The following TRAM2 variants were observed in gnomAD, a reference collection of about 807,000 sequenced individuals.
The protein encoded by TRAM2 is translocation associated membrane protein 2.
A neutral mutation model predicts 51.0 loss-of-function variants in TRAM2; 12 were observed. The observed-to-expected ratio is 0.24, with a 90% confidence interval of 0.15 to 0.38. TRAM2 has a LOEUF of 0.38. TRAM2 is among the 10% of genes least tolerant of loss of function. TRAM2 has a pLI of 1.00. For synonymous variants in TRAM2, 175 were observed against 179.4 expected, an observed-to-expected ratio of 0.98 and a Z score of 0.20; for missense variants, 361 against 462.0, an observed-to-expected ratio of 0.78 and a Z score of 2.00.
intron 1 of TRAM2, among the ~76,000 whole-genome samples, chr6:52,537,853 T>G (rs1282982555): frequency 6.6e-6 from 1 of 152,192 alleles, no homozygotes; most frequent in African/African-American, 2.4e-5. Flanking sequence ...TCAGCTGTAC[T>G]TATTCCCCCT....
intron 1 of TRAM2, among the ~76,000 whole-genome samples, chr6:52,543,473 GT>G (rs1767141641): frequency 6.6e-6 from 1 of 152,134 alleles, no homozygotes; most frequent in South Asian, 2.1e-4. Context: ...AGAACAAAAT[GT>G]TTTTACTTTT....
intron 2 of TRAM2, among the ~76,000 whole-genome samples, chr6:52,517,709 C>CTGTG (rs1766577305): frequency 6.6e-6 from 1 of 152,240 alleles, no homozygotes; most frequent in Non-Finnish European, 1.5e-5. Context: ...TGCTCTCCAG[C>CTGTG]TGTGCTGCAT....
rs1016204904 is a variant in TRAM2, at chr6:52,570,801, C to CG, written c.120+5994_120+5995insC. 3.0e-4 allele frequency among the ~76,000 whole-genome samples: 36 copies of CG among 119,634 alleles called. 1 individual carries two copies. The East Asian group carries it at 6.5e-3, about 21-fold the overall frequency. 78.5% of individuals were successfully genotyped at this position (119,634 alleles called of 152,430 possible). A position where few individuals can be genotyped will look rare whatever the true frequency, so the allele number is the denominator to read the frequency against. On this transcript the variant is annotated intron_variant, in intron 1 of 10. Transcript: ENST00000182527. ...CCAATCCTCCCTGCCCACCACCCCC[C>CG]CCCCCACACGCACACACACTCTGCC...
chr6:52,523,747 G>A (rs1009142672), intron 2 of TRAM2: 7 of 152,214 alleles, frequency 4.6e-5, no homozygotes, highest in African/African-American at 1.2e-4. Flanking sequence ...TCAAAATGAC[G>A]TGTGTACAAG....
chr6:52,526,240 G>A (rs1265970909), intron 2 of TRAM2, among the ~76,000 whole-genome samples: 1 of 151,390 alleles, frequency 6.6e-6, no homozygotes, highest in Non-Finnish European at 1.5e-5. Flanking sequence ...CAGATCTTCA[G>A]AGTTACCATT....
intron 1 of TRAM2, among the ~76,000 whole-genome samples, chr6:52,575,600 G>A (rs553086680): frequency 5.9e-5 from 9 of 152,288 alleles, no homozygotes; most frequent in African/African-American, 1.7e-4. Flanking sequence ...GCCAATTAGG[G>A]CCCTTGTCAT....
At chr6:52,562,212 C>A (rs1177174765) in intron 1 of TRAM2, among the ~76,000 whole-genome samples, 1 of 152,178 alleles carries the variant, frequency 6.6e-6, no homozygotes, top group Non-Finnish European at 1.5e-5. Context: ...GTAAGCAATG[C>A]CTCCTGCCCT....
intron 1 of TRAM2, among the ~76,000 whole-genome samples, chr6:52,567,935 G>A (rs1457064660): frequency 6.6e-6 from 1 of 152,162 alleles, no homozygotes; most frequent in Non-Finnish European, 1.5e-5. Flanking sequence ...ATAGGATTGG[G>A]GAAAGGTGCC....
chr6:52,516,116 T>C lies in TRAM2; in HGVS notation c.301A>G (p.Ser101Gly). The change falls in exon 4 of 11, where the codon AGC becomes GGC. Residue 101 changes from serine (S) to glycine (G), a missense_variant. By Grantham distance (56) the Ser-to-Gly change is moderately conservative. Coordinates refer to ENST00000182527, the MANE Select transcript of TRAM2 (RefSeq NM_012288.4). Reference sequence around the variant, plus strand: ...ACTTTGGAGAGATGAAGCCGTTTGCTGATTTTCTAAAGAATAAAGAAAACC... The same window carrying C: ...ACTTTGGAGAGATGAAGCCGTTTGCCGATTTTCTAAAGAATAAAGAAAACC... ...VVQEYILDKI[S>G]KRLHLSKVKH... The C allele has an allele frequency of 6.2e-7, 1 of 1,614,044 alleles. No homozygotes were observed. The highest frequency in any genetic ancestry group is 8.5e-7 in the Non-Finnish European group (1 of 1,179,938).
chr6:52,562,337 T>C (rs530095666), intron 1 of TRAM2, among the ~76,000 whole-genome samples: 5 of 152,044 alleles, frequency 3.3e-5, no homozygotes, highest in Non-Finnish European at 7.4e-5. Flanking sequence ...CCAGAAAAAG[T>C]GGGCTGCAGT....
chr6:52,527,391 G>A (rs1288906628), intron 2 of TRAM2, among the ~76,000 whole-genome samples: 1 of 142,114 alleles, frequency 7.0e-6, no homozygotes, highest in Non-Finnish European at 1.5e-5. Context: ...AAAAAAAAAA[G>A]AAAAGAAAAG....
chr6:52,519,698 T>C (rs891331289), intron 2 of TRAM2, among the ~76,000 whole-genome samples: 2 of 151,994 alleles, frequency 1.3e-5, no homozygotes, highest in African/African-American at 2.4e-5. Flanking sequence ...TCCATGTCCA[T>C]AGCAGCACTA....
intron 1 of TRAM2, among the ~76,000 whole-genome samples, chr6:52,563,482 G>A (rs1242806334): frequency 6.6e-6 from 1 of 151,848 alleles, no homozygotes; most frequent in Non-Finnish European, 1.5e-5. Flanking sequence ...GACTTTGGGA[G>A]ACTGAGGTGG....
intron 2 of TRAM2, among the ~76,000 whole-genome samples, chr6:52,534,513 G>A (rs1227453594): frequency 6.6e-6 from 1 of 152,220 alleles, no homozygotes; most frequent in Non-Finnish European, 1.5e-5. Context: ...ATACTCTGGT[G>A]CTGGTGGCGG....
rs1766255552 is a variant in TRAM2 at position 52,502,663 on chromosome 6, G to T, written c.*534C>A. 1 of 156,136 alleles carries T rather than the reference G, an allele frequency of 6.4e-6. No homozygotes were observed. The highest frequency in any genetic ancestry group is 1.9e-4 in the South Asian group (1 of 5,140). The allele number at this position is 156,136 out of a possible 1,614,324, so 9.7% of individuals were successfully genotyped here. A position where few individuals can be genotyped will look rare whatever the true frequency, so the allele number is the denominator to read the frequency against. ...ATCTCGTCAGTTAATCAGCACCAAGGAGATTATGATCCGAGATGGCCGCTC... is the reference window on the plus strand; with the variant it reads ...ATCTCGTCAGTTAATCAGCACCAAGTAGATTATGATCCGAGATGGCCGCTC... On this transcript the variant is annotated 3_prime_UTR_variant, in exon 11 of 11. Transcript: ENST00000182527.
intron 1 of TRAM2, among the ~76,000 whole-genome samples, chr6:52,550,267 T>G (rs980391780): frequency 2.0e-5 from 3 of 152,182 alleles, no homozygotes; most frequent in Non-Finnish European, 2.9e-5. Flanking sequence ...TCTCCCTTCC[T>G]TCTTAGTTCT....
rs200247559 is a variant in TRAM2 at position 52,509,519 on chromosome 6, A to AAT, written c.470+7_470+8dup. 1.3e-6 allele frequency: 2 copies of AAT among 1,597,730 alleles called. No homozygotes were observed. The highest frequency in any genetic ancestry group is 2.2e-5 in the South Asian group (2 of 89,546). On this transcript the variant is annotated intron_variant, in intron 5 of 10. Transcript: ENST00000182527. ...CTCCTCCCTGGGGCTGAGTCAACAG[A>AAT]ATACTCACGGGAGGTGCACATGCGG...
chr6:52,521,424 T>A (rs994472572), intron 2 of TRAM2, among the ~76,000 whole-genome samples: 1 of 151,224 alleles, frequency 6.6e-6, no homozygotes. Context: ...CTGGGCGCGG[T>A]GGCTCACACC....
chr6:52,575,849 A>C (rs1247374646), intron 1 of TRAM2, among the ~76,000 whole-genome samples: 1 of 152,206 alleles, frequency 6.6e-6, no homozygotes, highest in Non-Finnish European at 1.5e-5. Context: ...GATATACCGC[A>C]ACAAACCCAT....
Sources: gnomAD v4.1 joint callset for allele counts (sites outside exome capture counted in the v4.1 genomes callset) on GRCh38, gnomAD v4.1.1 for gene constraint, MANE v1.5 for transcripts, NCBI Gene and HGNC (gene_info 2026-07-23, HGNC 2026-07-21) for gene names.